CDH4: variants seen among roughly 807,000 people sequenced by gnomAD.
CDH4 encodes the protein cadherin-4.
A neutral mutation model predicts 86.0 loss-of-function variants in CDH4; 33 were observed. The observed-to-expected ratio is 0.38, with a 90% CI of 0.29 to 0.51. CDH4 has a LOEUF of 0.51. Among genes scored for constraint, CDH4 ranks in the 20% least tolerant of loss-of-function variants. CDH4 has a pLI of 0.86. For synonymous variants in CDH4, 555 were observed against 549.4 expected (o/e 1.01, Z -0.14); for missense variants, 1,114 against 1,307.4 (o/e 0.85, Z 2.28).
chr20:61,383,546 AAT>A (rs1279732921), intron 2 of CDH4, among the ~76,000 whole-genome samples: 1 of 93,562 alleles, frequency 1.1e-5, no homozygotes, highest in Non-Finnish European at 1.9e-5. Context: ...AATATATATG[AAT>A]ATATATGATA....
intron 4 of CDH4, among the ~76,000 whole-genome samples, chr20:61,778,847 C>A (rs1354032180): frequency 6.6e-6 from 1 of 152,188 alleles, no homozygotes; most frequent in Non-Finnish European, 1.5e-5. Flanking sequence ...AGGACGCCCT[C>A]CCTGGTCCAG....
chr20:61,482,065 A>G (rs1411635497), intron 2 of CDH4, among the ~76,000 whole-genome samples: 2 of 152,164 alleles, frequency 1.3e-5, no homozygotes, highest in South Asian at 2.1e-4. Context: ...CCCTGTTGCT[A>G]TTGAGAACTG....
At chr20:61,294,886 C>G (rs935026164) in intron 2 of CDH4, among the ~76,000 whole-genome samples, 2 of 152,232 alleles carry the variant, frequency 1.3e-5, no homozygotes, top group African/African-American at 4.8e-5. Flanking sequence ...GCTGGTGCAT[C>G]GGGCACAGGG....
At chr20:61,599,670 G>C (rs1424864535) in intron 2 of CDH4, 1 of 249,378 alleles carries the variant, frequency 4.0e-6, no homozygotes, top group East Asian at 1.8e-4. Context: ...AAGACACAGA[G>C]TGGAGAAGCC....
At chr20:61,936,059 C>T (rs1205412874) in intron 15 of CDH4, among the ~76,000 whole-genome samples, 4 of 151,968 alleles carry the variant, frequency 2.6e-5, no homozygotes, top group Non-Finnish European at 5.9e-5. Context: ...GAGGAGAGGA[C>T]GGGGCTCCAG....
At chr20:61,627,192 T>C (rs972040820) in intron 2 of CDH4, among the ~76,000 whole-genome samples, 16 of 152,162 alleles carry the variant, frequency 1.1e-4, no homozygotes, top group African/African-American at 3.9e-4. Context: ...TCCAGGGGTG[T>C]GTCCTCTGGG....
intron 2 of CDH4, among the ~76,000 whole-genome samples, chr20:61,578,132 C>T (rs1409311010): frequency 1.3e-5 from 2 of 152,204 alleles, no homozygotes; most frequent in African/African-American, 4.8e-5. Context: ...TCTCTGCCAG[C>T]TGTCACCTGG....
intron 4 of CDH4, among the ~76,000 whole-genome samples, chr20:61,812,616 G>C (rs973174427): frequency 3.9e-5 from 6 of 152,008 alleles, no homozygotes; most frequent in African/African-American, 1.2e-4. Flanking sequence ...CACATTCCCT[G>C]CCCCTGGTAT....
chr20:61,851,729 G>A (rs1023652741), intron 5 of CDH4, among the ~76,000 whole-genome samples: 2 of 152,118 alleles, frequency 1.3e-5, no homozygotes, highest in South Asian at 2.1e-4. Context: ...TGCCGGCAGC[G>A]CCCAGCCTCT....
chr20:61,600,630 A>G (rs1330576847), intron 2 of CDH4, among the ~76,000 whole-genome samples: 1 of 152,196 alleles, frequency 6.6e-6, no homozygotes, highest in Non-Finnish European at 1.5e-5. Context: ...CAGGGGATTC[A>G]TTCCAGGCCC....
intron 3 of CDH4, among the ~76,000 whole-genome samples, chr20:61,769,882 C>T (rs992381545): frequency 5.3e-5 from 8 of 152,216 alleles, no homozygotes; most frequent in South Asian, 2.1e-4. Context: ...CATAAATTGT[C>T]ATATCCCCAA....
chr20:61,873,582 C>A, intron 6 of CDH4, 146 bp from the exon 7 acceptor site: 1 of 762,266 alleles, frequency 1.3e-6, no homozygotes, highest in Non-Finnish European at 2.1e-6. Context: ...GCACTAACAC[C>A]ACCTCTGAAC....
At chr20:61,327,586 T>C (rs910846077) in intron 2 of CDH4, among the ~76,000 whole-genome samples, 23 of 152,154 alleles carry the variant, frequency 1.5e-4, no homozygotes, top group African/African-American at 5.6e-4. Context: ...GATTAGAAAG[T>C]GGGTGCTCAG....
intron 4 of CDH4, among the ~76,000 whole-genome samples, chr20:61,836,191 TC>T (rs920391054): frequency 1.3e-5 from 2 of 152,178 alleles, no homozygotes; most frequent in African/African-American, 4.8e-5. Context: ...TCGGTTGTAT[TC>T]CCAGGACCAC....
At chr20:61,344,553 C>G (rs1344380127) in intron 2 of CDH4, among the ~76,000 whole-genome samples, 1 of 152,000 alleles carries the variant, frequency 6.6e-6, no homozygotes, top group East Asian at 1.9e-4. Context: ...TTTTTGTTTT[C>G]TATATTTGCC....
chr20:61,631,404 C>T (rs1188362166), intron 2 of CDH4, among the ~76,000 whole-genome samples: 1 of 152,168 alleles, frequency 6.6e-6, no homozygotes, highest in Non-Finnish European at 1.5e-5. Context: ...CTTTGGGAGA[C>T]CGAGGAGGGC....
intron 2 of CDH4, among the ~76,000 whole-genome samples, chr20:61,633,188 T>C (rs942515345): frequency 2.0e-5 from 3 of 146,990 alleles, no homozygotes; most frequent in East Asian, 4.2e-4. Context: ...CCATCCATCC[T>C]CCATCCATTC....
At chr20:61,823,214 G>A (rs200339445) in intron 4 of CDH4, among the ~76,000 whole-genome samples, 2 of 1,348 alleles carry the variant, frequency 1.5e-3, no homozygotes. Context: ...TTTAAATGGT[G>A]TTGGTGATGG....
intron 2 of CDH4, among the ~76,000 whole-genome samples, chr20:61,707,654 G>A (rs1184934939): frequency 3.3e-5 from 5 of 152,198 alleles, no homozygotes; most frequent in South Asian, 2.1e-4. Flanking sequence ...CAGGGACCAC[G>A]TTTGTGGAAG....
Sources: allele counts gnomAD v4.1 joint callset (sites outside exome capture counted in the v4.1 genomes callset), GRCh38; gene constraint gnomAD v4.1.1; transcripts MANE v1.5; gene names NCBI Gene and HGNC (gene_info 2026-07-23, HGNC 2026-07-21).